CWF19L2: variants seen among roughly 807,000 people sequenced by gnomAD.
The protein encoded by CWF19L2 is CWF19-like protein 2.
A neutral mutation model predicts 111.7 loss-of-function variants in CWF19L2; 98 were observed. That is an observed-to-expected ratio of 0.88 (90% CI 0.75 to 1.04). The LOEUF (loss-of-function observed/expected upper bound fraction) is 1.04. Ranked by LOEUF, CWF19L2 falls within the 50% of genes least tolerant of loss-of-function variation. The pLI is 0.00. For missense variants in CWF19L2, 1,101 were observed against 1,051.4 expected (o/e 1.05, Z -0.65); for synonymous variants, 351 against 342.9 (o/e 1.02, Z -0.26).
chr11:107,442,988 C>T lies in CWF19L2; in HGVS notation c.401G>A (p.Trp134Ter). 6.4e-7 allele frequency: 1 copy of T among 1,551,846 alleles called. No individual in the cohort carries two copies. Among genetic ancestry groups the T allele is most frequent in the African/African-American group, 1.4e-5 (1 of 73,146 alleles). Residue 134 changes from tryptophan (W) to a stop codon, truncating the protein, a stop_gained, in exon 4 of 18, where the codon TGG (tryptophan) becomes TAG (stop). Coordinates refer to ENST00000282251, the MANE Select transcript of CWF19L2 (RefSeq NM_152434.3). LOFTEE classifies it high-confidence loss of function. ...TCCTGACTTTTCATCTTTCACTTTC[C>T]AGGCTTTTTCCTTGTCAGGAGTCTG... The part of the protein sequence containing the change: ...PSQTPDKEKA[W>*]KVKDEKSGKD...
chr11:107,347,871 T>G (rs1233574720), intron 14 of CWF19L2, among the ~76,000 whole-genome samples: 1 of 152,168 alleles, frequency 6.6e-6, no homozygotes, highest in African/African-American at 2.4e-5. Flanking sequence ...TTAAAATATT[T>G]TTGGCACTGC....
chr11:107,338,965 C>T (rs1239804230), intron 14 of CWF19L2, among the ~76,000 whole-genome samples: 1 of 152,054 alleles, frequency 6.6e-6, no homozygotes, highest in Non-Finnish European at 1.5e-5. Context: ...AATGGTATGC[C>T]TCTAGGTCTT....
intron 10 of CWF19L2, chr11:107,404,066 A>C: frequency 1.3e-6 from 1 of 770,776 alleles, no homozygotes. Flanking sequence ...CTGGATCTTC[A>C]GCAGAGCTGA....
intron 10 of CWF19L2, among the ~76,000 whole-genome samples, chr11:107,399,350 C>G (rs1403815952): frequency 6.6e-6 from 1 of 152,056 alleles, no homozygotes; most frequent in Non-Finnish European, 1.5e-5. Context: ...TAAGGACTTA[C>G]ATAAACTTAA....
rs750087476 is a variant in CWF19L2, at chr11:107,428,877, T to C, written c.1355A>G (p.Glu452Gly). ...EHQHVPEDPR[E>G]KSQDEVLRDD... ...TCTCAAGACTTCATCTTGTGATTTT[T>C]CTCTTGGGTCTTCTGGAACATGTTG... Residue 452 changes from glutamate (E) to glycine (G), a missense_variant, in exon 8 of 18, where the codon GAA (glutamate) becomes GGA (glycine). Glu to Gly is a moderately conservative substitution (Grantham distance 98, BLOSUM62 -2). Coordinates refer to ENST00000282251, the MANE Select transcript of CWF19L2 (RefSeq NM_152434.3). 1.4e-5 allele frequency: 23 copies of C among 1,613,618 alleles called. No individual in the cohort carries two copies. The highest frequency in any genetic ancestry group is 1.9e-5 in the Non-Finnish European group (22 of 1,179,744).
Position 107,326,660 on chromosome 11 carries a change from A to C in CWF19L2, c.*250T>G. On this transcript the variant is annotated 3_prime_UTR_variant, in exon 18 of 18. Coordinates refer to ENST00000282251, the MANE Select transcript of CWF19L2 (RefSeq NM_152434.3). ...CAATTCGGAATACCAAGAAGTAGGTAGAGAGCAGGAATGTGAGCAGATCAT... is the reference window on the plus strand; with the variant it reads ...CAATTCGGAATACCAAGAAGTAGGTCGAGAGCAGGAATGTGAGCAGATCAT... 3 of 333,274 alleles carry C rather than the reference A, an allele frequency of 9.0e-6. No individual in the cohort carries two copies. The highest frequency in any genetic ancestry group is 9.3e-5 in the East Asian group (2 of 21,616). 20.6% of individuals were successfully genotyped at this position (333,274 alleles called of 1,614,324 possible).
chr11:107,336,628 T>C lies in CWF19L2; in HGVS notation c.2288A>G (p.Gln763Arg), dbSNP rs149794929. Residue 763 changes from glutamine to arginine, a missense_variant, in exon 15 of 18, where the codon CAG (glutamine) becomes CGG (arginine). Transcript: ENST00000282251. Reference protein sequence around the residue: ...FLETNMSMKKQYHMVYECIPL... With the variant: ...FLETNMSMKKRYHMVYECIPL... ...AATACATTCATAAACCATGTGATAC[T>C]GTTTCTTCATGCTCATATTAGTTTC... 1.3e-3 allele frequency: 2,013 copies of C among 1,604,756 alleles called. 4 individuals are homozygous for C. Among genetic ancestry groups the C allele is most frequent in the Non-Finnish European group, 1.6e-3 (1,836 of 1,174,480 alleles).
At chr11:107,339,242 A>G (rs1359186791) in intron 14 of CWF19L2, among the ~76,000 whole-genome samples, 1 of 152,152 alleles carries the variant, frequency 6.6e-6, no homozygotes, top group Non-Finnish European at 1.5e-5. Flanking sequence ...CCTTTACAGA[A>G]TATCTGGGGT....
intron 12 of CWF19L2, among the ~76,000 whole-genome samples, chr11:107,371,346 C>T (rs1860507785): frequency 7.3e-6 from 1 of 137,014 alleles, no homozygotes; most frequent in Non-Finnish European, 1.6e-5. Flanking sequence ...CATATTATGC[C>T]AAGATGTAAA....
At position 107,433,633 on chromosome 11, in the gene CWF19L2, C is replaced by T; in HGVS notation, c.780+1G>A. On this transcript the variant is annotated splice_donor_variant, in intron 7 of 17. Coordinates refer to ENST00000282251, the MANE Select transcript of CWF19L2 (RefSeq NM_152434.3). LOFTEE classifies it high-confidence loss of function. ...GGCATCTCCTTAAAACAGATACTCACCCCATATCTTTCGGCTACAATGTCC... is the reference window on the plus strand; with the variant it reads ...GGCATCTCCTTAAAACAGATACTCATCCCATATCTTTCGGCTACAATGTCC... 6.8e-7 allele frequency: 1 copy of T among 1,472,040 alleles called. No homozygotes were observed. Among genetic ancestry groups the T allele is most frequent in the Non-Finnish European group, 9.3e-7 (1 of 1,079,286 alleles). The allele number at this position is 1,472,040 out of a possible 1,614,324, so 91.2% of individuals were successfully genotyped here.
chr11:107,394,397 T>C (rs954026129), intron 10 of CWF19L2, among the ~76,000 whole-genome samples: 2 of 152,176 alleles, frequency 1.3e-5, no homozygotes, highest in Admixed American at 1.3e-4. Flanking sequence ...TTTACCACAC[T>C]GATAAAGCTG....
chr11:107,404,549 G>C, intron 10 of CWF19L2: 1 of 673,850 alleles, frequency 1.5e-6, no homozygotes, highest in South Asian at 1.6e-5. Context: ...TGTTGCAGGA[G>C]CTGGGGTGGG....
intron 15 of CWF19L2, among the ~76,000 whole-genome samples, chr11:107,335,979 T>G (rs1285595168): frequency 2.0e-5 from 3 of 152,108 alleles, no homozygotes; most frequent in Admixed American, 6.5e-5. Flanking sequence ...TCCAGCACTT[T>G]GGGAGGCTGA....
At chr11:107,387,457 C>CAAAACAAAACAAAAAAA (rs1860784995) in intron 12 of CWF19L2, among the ~76,000 whole-genome samples, 1 of 58,052 alleles carries the variant, frequency 1.7e-5, no homozygotes, top group Non-Finnish European at 3.5e-5. Flanking sequence ...CAAAACAAAA[C>CAAAACAAAACAAAAAAA]AAAACAAAAC....
rs760502714 is a variant in CWF19L2 at position 107,455,714 on chromosome 11, A to G, written c.168T>C (p.Asp56=). The G allele has an allele frequency of 1.3e-5, 20 of 1,551,418 alleles. No homozygotes were observed. The highest frequency in any genetic ancestry group is 1.7e-5 in the Non-Finnish European group (20 of 1,146,796). ...CATTCACATCAGGTAGCATCCATGTATCCTCACCCCGAAGTCGCTTAAGTT... is the reference window on the plus strand; with the variant it reads ...CATTCACATCAGGTAGCATCCATGTGTCCTCACCCCGAAGTCGCTTAAGTT... The part of the protein sequence containing the change: ...RKELKRLRGE[D]TWMLPDVNER... Residue 56 remains aspartate, a synonymous_variant, in exon 2 of 18, where the codon GAT becomes GAC. Coordinates refer to ENST00000282251, the MANE Select transcript of CWF19L2 (RefSeq NM_152434.3).
At chr11:107,335,219 C>T (rs1565242006) in intron 15 of CWF19L2, among the ~76,000 whole-genome samples, 1 of 152,062 alleles carries the variant, frequency 6.6e-6, no homozygotes, top group Non-Finnish European at 1.5e-5. Flanking sequence ...CATGGCAATC[C>T]TTAATAAGAC....
intron 17 of CWF19L2, among the ~76,000 whole-genome samples, chr11:107,328,796 A>G (rs1372032379): frequency 1.3e-5 from 2 of 152,204 alleles, no homozygotes; most frequent in Non-Finnish European, 1.5e-5. Flanking sequence ...GCTCTACTGT[A>G]TAACAACAGG....
At chr11:107,441,843 T>C (rs535657798) in intron 4 of CWF19L2, among the ~76,000 whole-genome samples, 2 of 152,210 alleles carry the variant, frequency 1.3e-5, no homozygotes, top group Non-Finnish European at 2.9e-5. Flanking sequence ...CCTTTCAGGA[T>C]TGTTTTAAAG....
intron 12 of CWF19L2, among the ~76,000 whole-genome samples, chr11:107,354,760 CT>C (rs1476119189): frequency 6.6e-6 from 1 of 152,162 alleles, no homozygotes; most frequent in Non-Finnish European, 1.5e-5. Flanking sequence ...TTATTTATAC[CT>C]GCTGCATTGG....
Sources: gnomAD v4.1 joint callset for allele counts (sites outside exome capture counted in the v4.1 genomes callset) on GRCh38, gnomAD v4.1.1 for gene constraint, MANE v1.5 for transcripts, NCBI Gene and HGNC (gene_info 2026-07-23, HGNC 2026-07-21) for gene names.